CDH4: variants seen among roughly 807,000 people sequenced by gnomAD.
CDH4 encodes cadherin 4, also known as cadherin-4.
In CDH4, 33 loss-of-function variants were observed where a neutral mutation model predicts 86.0. The ratio of observed to expected loss-of-function variants is 0.38; its 90% CI spans 0.29 to 0.51. The LOEUF is 0.51. Among genes scored for constraint, CDH4 ranks in the 20% least tolerant of loss-of-function variants. The pLI is 0.86. For synonymous variants in CDH4, 555 were observed against 549.4 expected (o/e 1.01, Z -0.14); for missense variants, 1,114 against 1,307.4 (o/e 0.85, Z 2.28).
intron 4 of CDH4, among the ~76,000 whole-genome samples, chr20:61,802,770 G>A (rs1026420974): frequency 9.2e-5 from 14 of 152,342 alleles, no homozygotes; most frequent in African/African-American, 3.4e-4. Context: ...CGATGCCTGG[G>A]AGGAGAGGCT....
intron 2 of CDH4, among the ~76,000 whole-genome samples, chr20:61,354,656 G>A (rs904270337): frequency 1.3e-5 from 2 of 152,258 alleles, no homozygotes; most frequent in Non-Finnish European, 2.9e-5. Flanking sequence ...TGGCCTGGCA[G>A]TGTGGAGCCC....
intron 2 of CDH4, among the ~76,000 whole-genome samples, chr20:61,332,076 C>T (rs1174394133): frequency 6.6e-6 from 1 of 152,186 alleles, no homozygotes; most frequent in Non-Finnish European, 1.5e-5. Context: ...AGGCTGGCTC[C>T]TGGCTGAGAA....
At chr20:61,326,681 T>C (rs1361055973) in intron 2 of CDH4, among the ~76,000 whole-genome samples, 1 of 152,218 alleles carries the variant, frequency 6.6e-6, no homozygotes, top group African/African-American at 2.4e-5. Context: ...GCAAATGTGC[T>C]GACTGAGTGT....
chr20:61,286,904 G>T (rs2084296133), intron 2 of CDH4, among the ~76,000 whole-genome samples: 1 of 152,222 alleles, frequency 6.6e-6, no homozygotes, highest in Admixed American at 6.5e-5. Context: ...ATGGAAGAAT[G>T]GGCAAGTTAA....
In CDH4 at chr20:61,743,741, G is replaced by T. The variant is rs752749815; in HGVS notation, c.348G>T (p.Val116=). The T allele has an allele frequency of 5.6e-6, 9 of 1,610,456 alleles. No individual in the cohort carries two copies. In the Admixed American group the frequency reaches 6.7e-5, roughly 12 times the overall value. ...AGACAGCAGAGAAATGGGACGCCGT[G>T]GTGCGGTTGCTGGTGGCCCAGACCT... ...DSQTAEKWDA[V]VRLLVAQTSS... The change falls in exon 3 of 16, where the codon GTG becomes GTT. Residue 116 remains valine (V), a synonymous_variant. Coordinates refer to ENST00000614565, the MANE Select transcript of CDH4 (RefSeq NM_001794.5).
rs775311957 is a variant in CDH4, at chr20:61,852,842, G to A, written c.821G>A (p.Arg274His). The change falls in exon 6 of 16, where the codon CGC becomes CAC. Residue 274 changes from arginine to histidine, a missense_variant. Coordinates refer to ENST00000614565, the MANE Select transcript of CDH4 (RefSeq NM_001794.5). ...TACGTCATCGACATGAATGACAACC[G>A]CCCTGAGTTCATCAACCAGGTCTAC... is the stretch of plus-strand genomic sequence containing the variant. The part of the protein sequence containing the change: ...YIYVIDMNDN[R>H]PEFINQVYNG... The A allele has an allele frequency of 8.7e-6, 14 of 1,613,944 alleles. No homozygotes were observed. Among genetic ancestry groups the A allele is most frequent in the South Asian group, 1.1e-5 (1 of 91,080 alleles).
At chr20:61,855,775 C>T (rs894423468) in intron 6 of CDH4, among the ~76,000 whole-genome samples, 11 of 152,250 alleles carry the variant, frequency 7.2e-5, no homozygotes, top group South Asian at 4.1e-4. Context: ...GAGCTGGGCA[C>T]GGCCTGGCAG....
chr20:61,855,186 T>C (rs1451757079), intron 6 of CDH4, among the ~76,000 whole-genome samples: 36 of 105,840 alleles, frequency 3.4e-4, no homozygotes, highest in Middle Eastern at 8.3e-3. Context: ...GGGTGAATTG[T>C]GCCCTTGGCC....
At chr20:61,611,018 A>G (rs762184223) in intron 2 of CDH4, among the ~76,000 whole-genome samples, 43 of 152,094 alleles carry the variant, frequency 2.8e-4, no homozygotes, top group Middle Eastern at 3.4e-3. Flanking sequence ...GCACAGGCAC[A>G]ATGGATCCCT....
intron 2 of CDH4, among the ~76,000 whole-genome samples, chr20:61,485,294 A>G (rs1365305166): frequency 3.3e-5 from 5 of 152,252 alleles, no homozygotes; most frequent in African/African-American, 1.2e-4. Flanking sequence ...CCACCCTCCA[A>G]CGCTTGGCTG....
chr20:61,267,332 C>T (rs1031465702), intron 2 of CDH4, among the ~76,000 whole-genome samples: 18 of 152,184 alleles, frequency 1.2e-4, no homozygotes, highest in Admixed American at 3.3e-4. Context: ...AGCATCAGGG[C>T]TTCAGGCTTA....
chr20:61,795,877 G>A, intron 4 of CDH4, among the ~76,000 whole-genome samples: 1 of 152,232 alleles, frequency 6.6e-6, no homozygotes, highest in Non-Finnish European at 1.5e-5. Context: ...GTGGATGGAG[G>A]ATGAAGATTC....
chr20:61,893,354 T>G (rs1422416358), intron 7 of CDH4, among the ~76,000 whole-genome samples: 481 of 121,006 alleles, frequency 4.0e-3, no homozygotes, highest in East Asian at 5.4e-3. Flanking sequence ...GATAAATGAA[T>G]GGGTGGGTGA....
intron 6 of CDH4, among the ~76,000 whole-genome samples, chr20:61,858,439 GTGTCTCTGTGTC>G (rs1871246195): frequency 6.6e-6 from 1 of 151,486 alleles, no homozygotes; most frequent in Admixed American, 6.6e-5. Flanking sequence ...GTGTCTATGT[GTGTCTCTGTGTC>G]TGTATCTGTG....
chr20:61,601,441 C>T (rs1164308957), intron 2 of CDH4, among the ~76,000 whole-genome samples: 1 of 152,190 alleles, frequency 6.6e-6, no homozygotes, highest in Non-Finnish European at 1.5e-5. Flanking sequence ...CCCCACACCC[C>T]TCACCTGTGC....
intron 8 of CDH4, among the ~76,000 whole-genome samples, chr20:61,901,765 C>T (rs549587862): frequency 1.2e-4 from 18 of 152,330 alleles, no homozygotes; most frequent in South Asian, 1.0e-3. Context: ...ATCAATCCCA[C>T]GCTGGCCCAT....
At chr20:61,347,212 C>T (rs1159927699) in intron 2 of CDH4, among the ~76,000 whole-genome samples, 1 of 152,204 alleles carries the variant, frequency 6.6e-6, no homozygotes, top group Non-Finnish European at 1.5e-5. Flanking sequence ...GCCGTGAGGC[C>T]CTGCCCGCAT....
intron 2 of CDH4, among the ~76,000 whole-genome samples, chr20:61,626,420 G>T (rs1420752119): frequency 6.6e-6 from 1 of 151,340 alleles, no homozygotes; most frequent in South Asian, 2.1e-4. Flanking sequence ...AGCCAAGAAT[G>T]TGTGTGTGTG....
intron 6 of CDH4, among the ~76,000 whole-genome samples, chr20:61,854,791 A>G (rs1180793557): frequency 6.9e-5 from 10 of 145,304 alleles, no homozygotes; most frequent in Non-Finnish European, 1.4e-4. Context: ...GTCCACCCCC[A>G]GGGCTGCAGT....
Sources: allele counts gnomAD v4.1 joint callset (sites outside exome capture counted in the v4.1 genomes callset), GRCh38; gene constraint gnomAD v4.1.1; transcripts MANE v1.5; gene names NCBI Gene and HGNC (gene_info 2026-07-23, HGNC 2026-07-21).